The following NTM variants were observed in gnomAD, a reference collection of about 807,000 sequenced individuals.
NTM encodes neurotrimin, also known as IgLON family member 2.
NTM carries 13 observed loss-of-function variants against 42.1 expected under a neutral mutation model. The observed-to-expected ratio is 0.31, with a 90% CI of 0.20 to 0.49. The LOEUF (loss-of-function observed/expected upper bound fraction) is 0.49, where lower values mean the gene tolerates loss of function less well. NTM is among the 20% of genes least tolerant of loss of function. NTM has a pLI of 0.99. For synonymous variants in NTM, 187 were observed against 179.2 expected, an observed-to-expected ratio of 1.04 and a Z score of -0.35; for missense variants, 373 against 452.8, an observed-to-expected ratio of 0.82 and a Z score of 1.60.
chr11:132,021,023 T>C (rs2074252059), intron 2 of NTM, among the ~76,000 whole-genome samples: 1 of 152,132 alleles, frequency 6.6e-6, no homozygotes, highest in Non-Finnish European at 1.5e-5. Context: ...ATTCCCATTA[T>C]TATATATGCT....
intron 1 of NTM, among the ~76,000 whole-genome samples, chr11:131,865,937 A>ACT (rs2047125478): frequency 7.2e-6 from 1 of 138,976 alleles, no homozygotes; most frequent in Non-Finnish European, 1.6e-5. Flanking sequence ...CACCTCCCAC[A>ACT]CTCACACATG....
At chr11:131,405,125 G>A (rs1945667997) in intron 1 of NTM, among the ~76,000 whole-genome samples, 1 of 152,174 alleles carries the variant, frequency 6.6e-6, no homozygotes, top group African/African-American at 2.4e-5. Context: ...AGGGAGAAAT[G>A]GGCAAATCCC....
intron 3 of NTM, among the ~76,000 whole-genome samples, chr11:132,187,497 G>A (rs1179178929): frequency 6.6e-6 from 1 of 152,134 alleles, no homozygotes; most frequent in Non-Finnish European, 1.5e-5. Flanking sequence ...CCAGATTAAT[G>A]CATTCATTCC....
intron 2 of NTM, among the ~76,000 whole-genome samples, chr11:132,110,252 T>G (rs1461737764): frequency 6.6e-6 from 1 of 152,234 alleles, no homozygotes; most frequent in Non-Finnish European, 1.5e-5. Context: ...CAAAAAGTAT[T>G]TGCTGAACAA....
chr11:131,819,265 C>A (rs2093078821), intron 1 of NTM, among the ~76,000 whole-genome samples: 1 of 152,128 alleles, frequency 6.6e-6, no homozygotes, highest in Non-Finnish European at 1.5e-5. Context: ...TATCTAGGGA[C>A]CCGAGGGAGC....
intron 2 of NTM, among the ~76,000 whole-genome samples, chr11:131,971,143 G>T (rs1325339580): frequency 6.6e-6 from 1 of 152,110 alleles, no homozygotes; most frequent in Non-Finnish European, 1.5e-5. Context: ...CTGCCATATT[G>T]CTTTTCAATA....
chr11:131,539,056 C>CT (rs2052761138), intron 1 of NTM: 1 of 151,710 alleles, frequency 6.6e-6, no homozygotes, highest in African/African-American at 2.4e-5. Context: ...CCTCAGCCTC[C>CT]TTAGTAGCTG....
intron 1 of NTM, among the ~76,000 whole-genome samples, chr11:131,564,443 G>GGGGAGAGAGAGAGGGA (rs140500501): frequency 6.8e-6 from 1 of 146,266 alleles, no homozygotes; most frequent in Admixed American, 6.6e-5. Flanking sequence ...GGGTGGGTAG[G>GGGGAGAGAGAGAGGGA]GGGAGAGAGA....
intron 1 of NTM, among the ~76,000 whole-genome samples, chr11:131,839,805 G>A (rs995092748): frequency 6.6e-6 from 1 of 152,224 alleles, no homozygotes; most frequent in African/African-American, 2.4e-5. Flanking sequence ...AATGATGGGA[G>A]GTCTGACCCA....
intron 1 of NTM, among the ~76,000 whole-genome samples, chr11:131,598,683 T>TTTTC (rs199821939): frequency 0.024 from 1,804 of 74,700 alleles, 219 homozygotes; most frequent in African/African-American, 0.033. Context: ...TTCTCATTTG[T>TTTTC]TTTCTTTCTT....
chr11:131,974,957 G>A (rs375356150), intron 2 of NTM, among the ~76,000 whole-genome samples: 4 of 152,138 alleles, frequency 2.6e-5, no homozygotes, highest in South Asian at 2.1e-4. Context: ...GTCCTTCTGC[G>A]AGCCTCCACT....
At chr11:132,007,410 G>A (rs1406390619) in intron 2 of NTM, among the ~76,000 whole-genome samples, 1 of 152,150 alleles carries the variant, frequency 6.6e-6, no homozygotes, top group Non-Finnish European at 1.5e-5. Context: ...CACTAGGAGA[G>A]TCAGGAGGGC....
At chr11:131,913,635 C>A (rs1342211197) in intron 2 of NTM, among the ~76,000 whole-genome samples, 1 of 152,022 alleles carries the variant, frequency 6.6e-6, no homozygotes, top group Non-Finnish European at 1.5e-5. Flanking sequence ...CCCCCTCTCT[C>A]TTTCAGCACT....
chr11:131,985,946 C>T (rs933559464), intron 2 of NTM, among the ~76,000 whole-genome samples: 4 of 152,158 alleles, frequency 2.6e-5, no homozygotes, highest in East Asian at 1.9e-4. Context: ...CACCTCCCTC[C>T]GCCCTCTAGG....
chr11:131,917,735 C>T (rs1479481455), intron 2 of NTM, among the ~76,000 whole-genome samples: 1 of 152,142 alleles, frequency 6.6e-6, no homozygotes, highest in Admixed American at 6.5e-5. Flanking sequence ...CTCCCACTGC[C>T]CTGCCCCCTC....
chr11:132,032,272 G>T (rs1173517072), intron 2 of NTM, among the ~76,000 whole-genome samples: 1 of 152,108 alleles, frequency 6.6e-6, no homozygotes, highest in Non-Finnish European at 1.5e-5. Flanking sequence ...CTCTGGCTTT[G>T]TCTCCTTGTG....
Position 131,604,306 on chromosome 11 carries a change from C to T in NTM, c.82+233418C>T, listed in dbSNP as rs752061030. On this transcript the variant is annotated intron_variant, in intron 1 of 8. Coordinates refer to ENST00000683400, the MANE Select transcript of NTM (RefSeq NM_001352005.2). ...ATGCATATTTTCGTGTGGTTATTGG[C>T]CATTTGTATGTATTTGTATAACTTT... Among the ~76,000 whole-genome samples the T allele has an allele frequency of 5.3e-5, 8 of 152,064 alleles. No individual in the cohort carries two copies. The East Asian group carries it at 9.7e-4, about 18-fold the overall frequency.
rs184656118 is a variant in NTM, at chr11:132,178,428, A to T, written c.400+31914A>T. Among the ~76,000 whole-genome samples the T allele has an allele frequency of 3.7e-4, 57 of 152,322 alleles. No individual in the cohort carries two copies. In the East Asian group the frequency reaches 0.01, roughly 27 times the overall value. ...AAGAAATTTCCAGCCTAACCTAAAAATTTATATTGACATTTATGGTTTCCA... is the reference window on the plus strand; with the variant it reads ...AAGAAATTTCCAGCCTAACCTAAAATTTTATATTGACATTTATGGTTTCCA... On this transcript the variant is annotated intron_variant, in intron 3 of 8. Transcript: ENST00000683400.
intron 1 of NTM, among the ~76,000 whole-genome samples, chr11:131,490,911 A>G (rs1954706074): frequency 6.6e-6 from 1 of 152,212 alleles, no homozygotes; most frequent in South Asian, 2.1e-4. Context: ...TATGCATATT[A>G]CATTCTTGCT....
Sources: gnomAD v4.1 joint callset for allele counts (sites outside exome capture counted in the v4.1 genomes callset) on GRCh38, gnomAD v4.1.1 for gene constraint, MANE v1.5 for transcripts, NCBI Gene and HGNC (gene_info 2026-07-23, HGNC 2026-07-21) for gene names.